Variants in DAB2IP observed in about 807,000 individuals in gnomAD.
DAB2IP encodes the protein disabled homolog 2-interacting protein.
Under a neutral mutation model 107.2 loss-of-function variants are expected in DAB2IP, and 28 were observed. That is an observed-to-expected ratio of 0.26 (90% CI 0.19 to 0.36). DAB2IP has a LOEUF of 0.36. Ranked by LOEUF, DAB2IP falls within the 10% of genes least tolerant of loss-of-function variation. DAB2IP has a pLI of 1.00. For missense variants in DAB2IP, 1,400 were observed against 1,644.7 expected, an observed-to-expected ratio of 0.85 and a Z score of 2.57; for synonymous variants, 755 against 706.4, an observed-to-expected ratio of 1.07 and a Z score of -1.09.
At position 121,760,060 on chromosome 9, in the gene DAB2IP, A is replaced by G. The variant is rs1217484503; in HGVS notation, c.791A>G (p.Asn264Ser). The G allele has an allele frequency of 6.2e-6, 10 of 1,614,024 alleles. No individual in the cohort carries two copies. Among genetic ancestry groups the G allele is most frequent in the East Asian group, 2.2e-5 (1 of 44,842 alleles). The change falls in exon 6 of 16, where the codon AAC becomes AGC. Residue 264 changes from asparagine to serine, a missense_variant. By Grantham distance (46) the Asn-to-Ser change is conservative. Coordinates refer to ENST00000408936, the Ensembl canonical transcript of DAB2IP. The surrounding 1 kb of genome is among the most constrained non-coding windows in gnomAD (Gnocchi z 5.9). ...TGGGGCGAGCACTTCGAGTTCCACA[A>G]CTTGCCGCCTCTGCGCACGGTCACT... is the stretch of plus-strand genomic sequence containing the variant.
chr9:121,737,159 C>T, intron 3 of DAB2IP: 1 of 934,334 alleles, frequency 1.1e-6, no homozygotes, highest in Non-Finnish European at 1.3e-6. Flanking sequence ...GCTCCTCCCT[C>T]TTTCTTGACC....
chr9:121,615,638 T>G (rs1277824728), intron 1 of DAB2IP, among the ~76,000 whole-genome samples: 2 of 151,936 alleles, frequency 1.3e-5, no homozygotes, highest in Non-Finnish European at 1.5e-5. Context: ...TTTCTTTTTT[T>G]TTTTTTTTGA....
Position 121,634,414 on chromosome 9 carries a change from G to A in DAB2IP, c.41-44264G>A, listed in dbSNP as rs1285672429. The stretch of plus-strand genomic sequence containing the variant: ...TGCTCAAAGTCCTTCAACCCTGCAG[G>A]TCTTTGGAGGAGGGTGAAATGGCCA... On this transcript the variant is annotated intron_variant, in intron 1 of 16. Coordinates refer to the DAB2IP transcript ENST00000259371. This position sits in a 1 kb window ranked among gnomAD's most constrained non-coding sequence, Gnocchi z 4.7. Among the ~76,000 whole-genome samples, 1 of 152,194 alleles carries A rather than the reference G, an allele frequency of 6.6e-6. No homozygotes were observed. The highest frequency in any genetic ancestry group is 6.5e-5 in the Admixed American group (1 of 15,286).
Position 121,782,963 on chromosome 9 carries a change from C to T in DAB2IP, c.*465C>T, listed in dbSNP as rs1434622998. On this transcript the variant is annotated 3_prime_UTR_variant, in exon 16 of 16. Coordinates refer to ENST00000408936, the Ensembl canonical transcript of DAB2IP. This position sits in a 1 kb window ranked among gnomAD's most constrained non-coding sequence, Gnocchi z 6.1. ...GCCCGGGACTCCCTGGCAGCCAGGC[C>T]CTGTCATGTGGGACCTGGCACTTGG... 9.8e-7 allele frequency: 1 copy of T among 1,020,450 alleles called. No individual in the cohort carries two copies. 63.2% of individuals were successfully genotyped at this position (1,020,450 alleles called of 1,614,324 possible). A position where few individuals can be genotyped will look rare whatever the true frequency, so the allele number is the denominator to read the frequency against.
At chr9:121,619,112 C>G (rs1831372623) in intron 1 of DAB2IP, among the ~76,000 whole-genome samples, 1 of 152,104 alleles carries the variant, frequency 6.6e-6, no homozygotes, top group Non-Finnish European at 1.5e-5. Context: ...TCTTGGCACT[C>G]TGATGGCTCC....
chr9:121,621,580 A>C (rs933234938), intron 1 of DAB2IP, among the ~76,000 whole-genome samples: 2 of 151,824 alleles, frequency 1.3e-5, no homozygotes, highest in African/African-American at 4.8e-5. Context: ...GTCCTCGTGC[A>C]GTCCAGTCCC....
At chr9:121,777,095 G>A (rs1835255980) in intron 14 of DAB2IP, among the ~76,000 whole-genome samples, 1 of 152,122 alleles carries the variant, frequency 6.6e-6, no homozygotes, top group Non-Finnish European at 1.5e-5. Context: ...TCCCTACCTT[G>A]GTGTCAGGCA....
chr9:121,610,334 A>G (rs1215462304), intron 1 of DAB2IP, among the ~76,000 whole-genome samples: 1 of 152,126 alleles, frequency 6.6e-6, no homozygotes. Context: ...CTAGCAGCTC[A>G]CACTTTCTGA....
At chr9:121,710,130 C>T (rs2118774558) in intron 3 of DAB2IP, among the ~76,000 whole-genome samples, 1 of 152,300 alleles carries the variant, frequency 6.6e-6, no homozygotes, top group East Asian at 1.9e-4. Context: ...AACCACCCCA[C>T]AGTACTGCCC....
chr9:121,746,588 C>T (rs1832735437), intron 3 of DAB2IP, among the ~76,000 whole-genome samples: 2 of 152,032 alleles, frequency 1.3e-5, no homozygotes, highest in African/African-American at 4.8e-5. Flanking sequence ...CAGGAAGTAA[C>T]GTGGCATGGC....
At chr9:121,574,646 C>T (rs1433633308) in intron 1 of DAB2IP, among the ~76,000 whole-genome samples, 1 of 152,154 alleles carries the variant, frequency 6.6e-6, no homozygotes, top group Non-Finnish European at 1.5e-5. Context: ...CCCTGCCACA[C>T]AGCGAGTGAG....
At chr9:121,592,648 A>G (rs1830440375) in intron 1 of DAB2IP, among the ~76,000 whole-genome samples, 1 of 152,226 alleles carries the variant, frequency 6.6e-6, no homozygotes, top group African/African-American at 2.4e-5. Flanking sequence ...TAGCCAATTC[A>G]TCGTCTAGAG....
intron 1 of DAB2IP, among the ~76,000 whole-genome samples, chr9:121,608,893 A>G (rs2118970390): frequency 6.6e-6 from 1 of 152,256 alleles, no homozygotes; most frequent in Middle Eastern, 3.4e-3. Flanking sequence ...TCTGGGGCAA[A>G]GTCTGTAACT....
At chr9:121,774,458 C>T (rs769608009) in intron 13 of DAB2IP, 46 bp downstream of exon 13, 67 of 1,532,396 alleles carry the variant, frequency 4.4e-5, no homozygotes, top group East Asian at 4.1e-4. Context: ...GGCTGCCTCC[C>T]GGCAGCAGCT....
At chr9:121,743,746 G>A (rs1436394939) in intron 3 of DAB2IP, among the ~76,000 whole-genome samples, 1 of 152,204 alleles carries the variant, frequency 6.6e-6, no homozygotes, top group Non-Finnish European at 1.5e-5. Context: ...TAGAATAAGA[G>A]AGGCTGGGAA....
intron 1 of DAB2IP, among the ~76,000 whole-genome samples, chr9:121,655,187 A>G (rs1408426128): frequency 6.6e-6 from 1 of 152,036 alleles, no homozygotes; most frequent in Non-Finnish European, 1.5e-5. Flanking sequence ...GGTGAGGGCC[A>G]TTTGCATTTT....
At chr9:121,593,795 G>C (rs1451969136) in intron 1 of DAB2IP, among the ~76,000 whole-genome samples, 5 of 151,036 alleles carry the variant, frequency 3.3e-5, no homozygotes, top group Non-Finnish European at 7.4e-5. Flanking sequence ...AGCCTCCCGA[G>C]TAGCTAGGAC....
chr9:121,733,620 C>T (rs1283362187), intron 3 of DAB2IP, among the ~76,000 whole-genome samples: 2 of 152,192 alleles, frequency 1.3e-5, no homozygotes, highest in Non-Finnish European at 2.9e-5. Context: ...CCTGGCAGGG[C>T]AGGCAGCAGT....
intron 2 of DAB2IP, among the ~76,000 whole-genome samples, chr9:121,694,158 G>A (rs1213442623): frequency 6.6e-6 from 1 of 152,166 alleles, no homozygotes; most frequent in Non-Finnish European, 1.5e-5. Flanking sequence ...AGTGCCTGGG[G>A]CTGAGTGTGG....
Sources: gnomAD v4.1 joint callset for allele counts (sites outside exome capture counted in the v4.1 genomes callset) on GRCh38, gnomAD v4.1.1 for gene constraint, Gnocchi (gnomAD v3.1) non-coding constraint, MANE v1.5 for transcripts, NCBI Gene and HGNC (gene_info 2026-07-23, HGNC 2026-07-21) for gene names.